Variants in NEAT1 observed in about 807,000 individuals in gnomAD.
NEAT1 encodes nuclear paraspeckle assembly transcript 1.
chr11:65,440,224 T>G (rs1856701290), exon 1 of NEAT1: 1 of 152,094 alleles, frequency 6.6e-6, no homozygotes, highest in Non-Finnish European at 1.5e-5. Flanking sequence ...ACTTAATGTT[T>G]CCATTTGTAT....
exon 1 of NEAT1, chr11:65,426,091 C>T (rs1362955999): frequency 6.6e-6 from 1 of 151,982 alleles, no homozygotes; most frequent in Non-Finnish European, 1.5e-5. Flanking sequence ...ATCTGAAAAC[C>T]CTGCTTGGTT....
At chr11:65,437,240 C>CATATATATATATGTATAT (rs549653210) in exon 1 of NEAT1, 11 of 128,450 alleles carry the variant, frequency 8.6e-5, no homozygotes, top group Non-Finnish European at 1.6e-4. Flanking sequence ...TATATATATA[C>CATATATATATATGTATAT]ATATATATAT....
At chr11:65,428,914 T>A (rs1377712557) in exon 1 of NEAT1, 1 of 152,204 alleles carries the variant, frequency 6.6e-6, no homozygotes, top group Non-Finnish European at 1.5e-5. Context: ...CAGTAACAAT[T>A]GTTATGGGCA....
chr11:65,425,608 G>A (rs1791171612), exon 1 of NEAT1: 4 of 152,064 alleles, frequency 2.6e-5, no homozygotes, highest in African/African-American at 9.7e-5. Flanking sequence ...ACGTATTTAA[G>A]GGACCACTTA....
chr11:65,444,819 T>G (rs569026265), exon 1 of NEAT1: 72 of 253,434 alleles, frequency 2.8e-4, no homozygotes, highest in Admixed American at 6.8e-4. Flanking sequence ...GTGATGGCAG[T>G]TCCCAGGAAG....
exon 1 of NEAT1, chr11:65,445,147 T>C (rs1856754917): frequency 6.6e-6 from 1 of 152,366 alleles, no homozygotes; most frequent in Non-Finnish European, 1.5e-5. Context: ...TGGAAATTTC[T>C]GTATACACAC....
At chr11:65,435,932 G>T (rs1247121040) in exon 1 of NEAT1, 1 of 152,346 alleles carries the variant, frequency 6.6e-6, no homozygotes, top group Non-Finnish European at 1.5e-5. Context: ...TTTGTAAAAA[G>T]TGGTATTTAA....
exon 1 of NEAT1, chr11:65,444,352 G>T (rs919179391): frequency 9.0e-6 from 4 of 442,122 alleles, no homozygotes; most frequent in Non-Finnish European, 1.8e-5. Context: ...GAAATGGGGG[G>T]CTGATTCTGC....
exon 1 of NEAT1, chr11:65,435,912 G>T (rs74935817): frequency 5.3e-5 from 8 of 152,314 alleles, no homozygotes; most frequent in African/African-American, 1.9e-4. Flanking sequence ...CTAGGAAAGC[G>T]TCTGTGACAT....
chr11:65,442,432 G>C (rs1856723166), exon 1 of NEAT1: 1 of 152,130 alleles, frequency 6.6e-6, no homozygotes, highest in Non-Finnish European at 1.5e-5. Flanking sequence ...GCGAAGGCAG[G>C]AGCAAAGCTG....
chr11:65,431,967 G>T (rs1856617312), exon 1 of NEAT1: 1 of 152,056 alleles, frequency 6.6e-6, no homozygotes, highest in South Asian at 2.1e-4. Flanking sequence ...TGTGCTTTTG[G>T]TGTCATATCC....
chr11:65,437,246 T>C (rs1254550996), exon 1 of NEAT1: 1 of 147,030 alleles, frequency 6.8e-6, no homozygotes, highest in Non-Finnish European at 1.5e-5. Context: ...TATACATATA[T>C]ATATACTAAT....
exon 1 of NEAT1, chr11:65,442,155 A>G (rs1590676332): frequency 6.7e-6 from 1 of 149,410 alleles, no homozygotes; most frequent in Non-Finnish European, 1.5e-5. Context: ...TGGTCACTCC[A>G]TCAACATCCC....
At chr11:65,427,606 C>T (rs1856574563) in exon 1 of NEAT1, 1 of 152,200 alleles carries the variant, frequency 6.6e-6, no homozygotes, top group African/African-American at 2.4e-5. Context: ...CTCATGGCAT[C>T]TCCAAGATGG....
At chr11:65,443,921 G>A (rs1144925) in exon 1 of NEAT1, 16,734 of 156,564 alleles carry the variant, frequency 0.11, 1,147 homozygotes, top group East Asian at 0.22. Flanking sequence ...TTGCTAACAC[G>A]CTGAATTAAT....
At chr11:65,429,199 T>C (rs943279157) in exon 1 of NEAT1, 4 of 152,212 alleles carry the variant, frequency 2.6e-5, no homozygotes, top group African/African-American at 9.6e-5. Context: ...TTGTTATCTC[T>C]TTGGGAATGC....
rs188788028 is a variant in NEAT1 at position 65,427,850 on chromosome 11, A to C, written n.5053A>C. 1.4e-4 allele frequency: 21 copies of C among 152,282 alleles called. No individual in the cohort carries two copies. The East Asian group carries it at 4.0e-3, about 29-fold the overall frequency. 9.4% of individuals were successfully genotyped at this position (152,282 alleles called of 1,614,324 possible). A position where few individuals can be genotyped will look rare whatever the true frequency, so the allele number is the denominator to read the frequency against. On this transcript the variant is annotated non_coding_transcript_exon_variant, in exon 1 of 1. Transcript: ENST00000501122. ...GAAGATAACTGCTATAGATGCCTGT[A>C]TGTAAATGGTGCTGTCTCCAGCAAC...
chr11:65,433,150 G>A (rs145267932), exon 1 of NEAT1: 8 of 152,048 alleles, frequency 5.3e-5, no homozygotes, highest in African/African-American at 1.9e-4. Flanking sequence ...GACTTGTACT[G>A]CCATCAAGTG....
At chr11:65,442,836 C>T (rs145532092) in exon 1 of NEAT1, 3,779 of 152,258 alleles carry the variant, frequency 0.025, 57 homozygotes, top group African/African-American at 0.03. Context: ...GCCAAGATCG[C>T]GCCACTACAC....
Sources: gnomAD v4.1 joint callset for allele counts on GRCh38, gnomAD v4.1.1 for gene constraint, MANE v1.5 for transcripts, NCBI Gene and HGNC (gene_info 2026-07-23, HGNC 2026-07-21) for gene names.